The following DEAF1 variants were observed in gnomAD, a reference collection of about 807,000 sequenced individuals.
The protein encoded by DEAF1 is DEAF1 transcription factor.
A neutral mutation model predicts 58.9 loss-of-function variants in DEAF1; 53 were observed. The ratio of observed to expected loss-of-function variants is 0.90; its 90% CI spans 0.72 to 1.13. DEAF1 has a LOEUF of 1.13. Ranked by LOEUF, DEAF1 falls within the 50% of genes most tolerant of loss-of-function variation. The pLI is 0.00. For synonymous variants in DEAF1, 385 were observed against 340.4 expected (o/e 1.13, Z -1.44); for missense variants, 685 against 791.4 (o/e 0.87, Z 1.61).
At chr11:695,847 G>T, upstream of DEAF1, 2 of 1,229,772 alleles carry the variant, frequency 1.6e-6, no homozygotes, top group Non-Finnish European at 1.0e-6. Flanking sequence ...CCGCGGCGAG[G>T]TGAGCTCGGG....
intron 1 of DEAF1, 53 bp downstream of exon 1, chr11:694,706 C>A: frequency 1.6e-6 from 2 of 1,271,454 alleles, no homozygotes; most frequent in Non-Finnish European, 2.0e-6. Context: ...GGCAGGCGCG[C>A]GGGGTAGGCG....
intron 11 of DEAF1, among the ~76,000 whole-genome samples, chr11:645,848 G>T (rs768958473): frequency 6.6e-6 from 1 of 152,228 alleles, no homozygotes; most frequent in South Asian, 2.1e-4. Flanking sequence ...AGGCAGCTCC[G>T]TGCACGGGGG....
intron 5 of DEAF1, 70 bp from the exon 6 acceptor site, chr11:685,033 G>T: frequency 9.5e-7 from 1 of 1,057,436 alleles, no homozygotes; most frequent in Non-Finnish European, 1.4e-6. Context: ...AATAATAGAA[G>T]ATTTCAACCA....
intron 8 of DEAF1, among the ~76,000 whole-genome samples, chr11:679,457 C>T (rs34502795): frequency 1.3e-5 from 2 of 152,244 alleles, no homozygotes; most frequent in Non-Finnish European, 2.9e-5. Context: ...GTATTTTCAG[C>T]TTTGCCAGTT....
chr11:704,661 T>C (rs2133483152), intron 1 of DEAF1: 2 of 1,287,304 alleles, frequency 1.6e-6, no homozygotes, highest in Non-Finnish European at 2.0e-6. Context: ...TCCTGATACC[T>C]CCAGTCTCAG....
At chr11:689,391 T>C (rs143691515) in intron 2 of DEAF1, among the ~76,000 whole-genome samples, 1 of 151,496 alleles carries the variant, frequency 6.6e-6, no homozygotes, top group African/African-American at 2.4e-5. Context: ...ATTTTTTTTT[T>C]TAGTAGAGAT....
chr11:703,103 C>T (rs759535151), intron 1 of DEAF1: 2 of 1,611,232 alleles, frequency 1.2e-6, no homozygotes, highest in South Asian at 2.2e-5. Flanking sequence ...CCTTCACGGC[C>T]TGGAGGCCGT....
intron 9 of DEAF1, among the ~76,000 whole-genome samples, chr11:675,432 G>A (rs1860008023): frequency 1.3e-5 from 2 of 152,324 alleles, no homozygotes; most frequent in East Asian, 3.9e-4. Flanking sequence ...AGGAAGCTGA[G>A]GCGGGAGGAT....
chr11:663,225 T>A (rs932818368), intron 10 of DEAF1, among the ~76,000 whole-genome samples: 3 of 152,192 alleles, frequency 2.0e-5, no homozygotes, highest in Admixed American at 6.5e-5. Flanking sequence ...GGAGGGTGGA[T>A]CACCTGAACG....
chr11:693,449 C>A (rs1860923006), intron 1 of DEAF1: 1 of 152,480 alleles, frequency 6.6e-6, no homozygotes. Flanking sequence ...AGCCCCCAGG[C>A]CGAACAAGCA....
chr11:706,618 T>TC, exon 1 of DEAF1: 1 of 152,774 alleles, frequency 6.5e-6, no homozygotes, highest in South Asian at 2.1e-4. Flanking sequence ...GTGGGGGCAA[T>TC]CCCTGCGTCC....
At chr11:683,991 A>G (rs953553315) in intron 6 of DEAF1, among the ~76,000 whole-genome samples, 5 of 152,208 alleles carry the variant, frequency 3.3e-5, no homozygotes, top group African/African-American at 1.2e-4. Context: ...GCTTTTCCCA[A>G]TCAACTTCAA....
upstream of DEAF1, chr11:695,335 A>G (rs569568101): frequency 2.5e-4 from 112 of 439,388 alleles, no homozygotes; most frequent in African/African-American, 2.0e-3. Context: ...AGTTCCCCGA[A>G]GTGGGAAGCC....
rs1230014162 is a variant in DEAF1, at chr11:694,436, G to C, written c.289+323C>G. On this transcript the variant is annotated intron_variant, in intron 1 of 11. Transcript: ENST00000382409. ...AACGTCGAGCAGGTGTGCGAGGCAG[G>C]TATTTGTGGCAGGTGGGGCAGGCTG... is the stretch of plus-strand genomic sequence containing the variant. The C allele has an allele frequency of 2.6e-5, 7 of 271,480 alleles. No homozygotes were observed. The East Asian group carries it at 4.6e-4, about 18-fold the overall frequency. 16.8% of individuals were successfully genotyped at this position (271,480 alleles called of 1,614,324 possible).
At chr11:661,571 G>C (rs1475028616) in intron 10 of DEAF1, among the ~76,000 whole-genome samples, 1 of 152,020 alleles carries the variant, frequency 6.6e-6, no homozygotes, top group Admixed American at 6.6e-5. Context: ...TTAGCCAGGC[G>C]TGGTGGCAAG....
At chr11:654,431 C>T (rs1858948382) in intron 10 of DEAF1, among the ~76,000 whole-genome samples, 2 of 151,220 alleles carry the variant, frequency 1.3e-5, no homozygotes, top group African/African-American at 4.9e-5. Flanking sequence ...TCCCAAAGTG[C>T]TGGGATTACA....
In DEAF1 at chr11:644,909, T is replaced by C. The variant is rs1858413257; in HGVS notation, c.1594-255A>G. ...AGGGCACGGTGGCTCACGCCTGTAA[T>C]CCCAACACTTTGGGAGGCCCAGGAG... On this transcript the variant is annotated intron_variant, in intron 11 of 11. Transcript: ENST00000382409. The surrounding 1 kb of genome is among the most constrained non-coding windows in gnomAD (Gnocchi z 4.3). Among the ~76,000 whole-genome samples, 1 of 152,126 alleles carries C rather than the reference T, an allele frequency of 6.6e-6. No individual in the cohort carries two copies. The highest frequency in any genetic ancestry group is 2.1e-4 in the South Asian group (1 of 4,826).
At chr11:704,515 C>A in intron 1 of DEAF1, 2 of 1,289,388 alleles carry the variant, frequency 1.6e-6, no homozygotes, top group Non-Finnish European at 2.0e-6. Context: ...CGGGCCACCT[C>A]CCTCACCAGC....
At chr11:682,950 C>A (rs1053562252) in intron 6 of DEAF1, among the ~76,000 whole-genome samples, 3 of 152,130 alleles carry the variant, frequency 2.0e-5, no homozygotes, top group Admixed American at 6.6e-5. Flanking sequence ...TGGTCACAAC[C>A]ACCCACAATG....
Sources: allele counts gnomAD v4.1 joint callset (sites outside exome capture counted in the v4.1 genomes callset), GRCh38; gene constraint gnomAD v4.1.1; non-coding constraint Gnocchi (gnomAD v3.1); transcripts MANE v1.5; gene names NCBI Gene and HGNC (gene_info 2026-07-23, HGNC 2026-07-21).